Variants in SMARCD3 observed in about 807,000 individuals in gnomAD.
SMARCD3 encodes SWI/SNF related BAF chromatin remodeling complex subunit D3.
Under a neutral mutation model 58.0 loss-of-function variants are expected in SMARCD3, and 14 were observed. That is an observed-to-expected ratio of 0.24 (90% CI 0.16 to 0.38). The LOEUF (loss-of-function observed/expected upper bound fraction) is 0.38, where lower values mean the gene tolerates loss of function less well. SMARCD3 is among the 10% of genes least tolerant of loss of function. The pLI is 1.00. For missense variants in SMARCD3, 408 were observed against 636.9 expected (o/e 0.64, Z 3.87); for synonymous variants, 253 against 253.8 (o/e 1.00, Z 0.03).
At chr7:151,260,902 G>A (rs1464779400) in intron 2 of SMARCD3, among the ~76,000 whole-genome samples, 1 of 152,190 alleles carries the variant, frequency 6.6e-6, no homozygotes, top group Non-Finnish European at 1.5e-5. Context: ...GGCTTGTGAG[G>A]CTTGTTCATG....
intron 10 of SMARCD3, 104 bp downstream of exon 10, chr7:151,240,005 TTAA>T: frequency 8.4e-7 from 1 of 1,193,198 alleles, no homozygotes; most frequent in Non-Finnish European, 1.2e-6. Context: ...TTTTTTTTTT[TTAA>T]TTTAACCCAG....
upstream of SMARCD3, among the ~76,000 whole-genome samples, chr7:151,251,603 C>T (rs1803512661): frequency 6.6e-6 from 1 of 152,150 alleles, no homozygotes; most frequent in Non-Finnish European, 1.5e-5. Flanking sequence ...TGTGCCACGC[C>T]GCCGATGGCT....
intron 2 of SMARCD3, among the ~76,000 whole-genome samples, chr7:151,262,298 T>C (rs1278470004): frequency 6.6e-6 from 1 of 152,070 alleles, no homozygotes; most frequent in Non-Finnish European, 1.5e-5. Flanking sequence ...CTCAGGCTGA[T>C]CACCAACTCC....
chr7:151,249,363 G>C (rs568237194), upstream of SMARCD3: 1 of 152,294 alleles, frequency 6.6e-6, no homozygotes, highest in African/African-American at 2.4e-5. This position sits in a 1 kb window ranked among gnomAD's most constrained non-coding sequence, Gnocchi z 4.8. Context: ...CAGACGCCCT[G>C]TATGTGTGCC....
upstream of SMARCD3, chr7:151,276,969 A>C (rs1419333860): frequency 6.8e-6 from 1 of 147,964 alleles, no homozygotes; most frequent in African/African-American, 2.5e-5. Flanking sequence ...GGATGCCAAC[A>C]GAGGCGAGCA....
intron 2 of SMARCD3, among the ~76,000 whole-genome samples, chr7:151,255,229 C>T (rs1395370619): frequency 1.3e-5 from 2 of 152,174 alleles, no homozygotes; most frequent in Non-Finnish European, 2.9e-5. Context: ...GTTGCCATCT[C>T]TCCCCAGCCC....
Position 151,242,723 on chromosome 7 carries a change from T to G in SMARCD3, c.454A>C (p.Lys152Gln). The change falls in exon 4 of 13, where the codon AAG becomes CAG. Residue 152 changes from lysine (K) to glutamine (Q), a missense_variant and splice_region_variant. This residue lies in a region of SMARCD3 where 128 missense variants were observed against 188.8 expected (regional missense o/e 0.68). Coordinates refer to ENST00000262188, the MANE Select transcript of SMARCD3 (RefSeq NM_001003801.2). The surrounding 1 kb of genome is among the most constrained non-coding windows in gnomAD (Gnocchi z 4.7). ...DIQEALKRPMKQKRKLRLYIS... is the reference protein window; with the variant it reads ...DIQEALKRPMQQKRKLRLYIS... ...TTCCTACCCCCGAACTAAGGCACCT[T>G]CATGGGCCTCTTCAGAGCCTCCTGG... is the stretch of plus-strand genomic sequence containing the variant. The G allele has an allele frequency of 1.2e-6, 2 of 1,614,082 alleles. No homozygotes were observed. Among genetic ancestry groups the G allele is most frequent in the Non-Finnish European group, 1.7e-6 (2 of 1,179,986 alleles).
Position 151,245,604 on chromosome 7 carries a change from G to C in SMARCD3, c.146C>G (p.Pro49Arg). The C allele has an allele frequency of 8.5e-7, 1 of 1,177,898 alleles. No individual in the cohort carries two copies. The highest frequency in any genetic ancestry group is 1.1e-6 in the Non-Finnish European group (1 of 939,446). The allele number at this position is 1,177,898 out of a possible 1,614,324, so 73.0% of individuals were successfully genotyped here. ...QGAPMGPPGS[P>R]YMGSPAVRPG... The stretch of plus-strand genomic sequence containing the variant: ...TCGCACGGCGGGGCTGCCCATGTAC[G>C]GGGAGCCCGGGGGGCCCATGGGCGC... Residue 49 changes from proline to arginine, a missense_variant, in exon 2 of 13, where the codon CCG (proline) becomes CGG (arginine). Pro to Arg is a moderately radical substitution (Grantham distance 103). Coordinates refer to ENST00000262188, the MANE Select transcript of SMARCD3 (RefSeq NM_001003801.2). This position sits in a 1 kb window ranked among gnomAD's most constrained non-coding sequence, Gnocchi z 6.2.
chr7:151,243,359 C>G lies in SMARCD3; in HGVS notation c.333+300G>C, dbSNP rs1157184502. Among the ~76,000 whole-genome samples, 1 of 152,180 alleles carries G rather than the reference C, an allele frequency of 6.6e-6. No homozygotes were observed. The highest frequency in any genetic ancestry group is 1.5e-5 in the Non-Finnish European group (1 of 68,034). The stretch of plus-strand genomic sequence containing the variant: ...AGGATCTCTGGCCACCTTCTATCCC[C>G]TTCATTCTGCCTGGCAGCTTCTGAT... On this transcript the variant is annotated intron_variant, in intron 3 of 12. Coordinates refer to ENST00000262188, the MANE Select transcript of SMARCD3 (RefSeq NM_001003801.2). This position sits in a 1 kb window ranked among gnomAD's most constrained non-coding sequence, Gnocchi z 4.4.
At chr7:151,274,203 C>T (rs1411903258) in intron 2 of SMARCD3, among the ~76,000 whole-genome samples, 1 of 152,208 alleles carries the variant, frequency 6.6e-6, no homozygotes, top group Non-Finnish European at 1.5e-5. Context: ...ACCTTGAGGC[C>T]CTGCCAGTAC....
At chr7:151,249,609 T>G (rs1803443069), upstream of SMARCD3, 1 of 122,080 alleles carries the variant, frequency 8.2e-6, no homozygotes, top group Non-Finnish European at 1.7e-5. This position sits in a 1 kb window ranked among gnomAD's most constrained non-coding sequence, Gnocchi z 4.8. Flanking sequence ...CTCGGGTGGG[T>G]GCGTGGAGAG....
upstream of SMARCD3, among the ~76,000 whole-genome samples, chr7:151,251,824 GGA>G (rs1803523076): frequency 6.6e-6 from 1 of 151,054 alleles, no homozygotes; most frequent in South Asian, 2.1e-4. Context: ...CCCCGCGCAG[GGA>G]GAGATGCGCC....
At chr7:151,249,010 C>CGG (rs1412816651), upstream of SMARCD3, 1 of 151,730 alleles carries the variant, frequency 6.6e-6, no homozygotes, top group Non-Finnish European at 1.5e-5. This position sits in a 1 kb window ranked among gnomAD's most constrained non-coding sequence, Gnocchi z 4.8. Flanking sequence ...GGGGAGGCGG[C>CGG]GGGGGGTCGC....
chr7:151,261,409 G>T (rs929698615), intron 2 of SMARCD3, among the ~76,000 whole-genome samples: 3 of 152,138 alleles, frequency 2.0e-5, no homozygotes, highest in Admixed American at 1.3e-4. Context: ...TTGGTTCTGG[G>T]TTCAAACCCC....
upstream of SMARCD3, chr7:151,276,873 G>GGGAGAAGGGATGCCAGGCAGGGA (rs1209430375): frequency 8.8e-6 from 1 of 113,452 alleles, no homozygotes; most frequent in Non-Finnish European, 1.9e-5. Flanking sequence ...GCCAGGCAGG[G>GGGAGAAGGGATGCCAGGCAGGGA]GGAGAAGGGA....
intron 2 of SMARCD3, among the ~76,000 whole-genome samples, chr7:151,269,341 TACAC>T (rs1795089111): frequency 6.6e-6 from 1 of 152,140 alleles, no homozygotes; most frequent in South Asian, 2.1e-4. Context: ...CCTTCAAGCC[TACAC>T]ACCCTCGAGT....
intron 2 of SMARCD3, among the ~76,000 whole-genome samples, chr7:151,255,419 C>A (rs1035781023): frequency 3.3e-5 from 5 of 152,156 alleles, no homozygotes; most frequent in African/African-American, 1.2e-4. Context: ...TTTCCAGAGC[C>A]CTGGCTCTGC....
chr7:151,266,125 A>G (rs929929411), intron 2 of SMARCD3, among the ~76,000 whole-genome samples: 3 of 152,036 alleles, frequency 2.0e-5, no homozygotes, highest in African/African-American at 7.2e-5. Flanking sequence ...ACGTGCCACC[A>G]GGCCCAGCTA....
chr7:151,252,878 T>G (rs1330109805), upstream of SMARCD3, among the ~76,000 whole-genome samples: 2 of 152,236 alleles, frequency 1.3e-5, no homozygotes, highest in Non-Finnish European at 1.5e-5. Context: ...TCAAGGGGGC[T>G]GTCTCTCTGT....
Sources: allele counts gnomAD v4.1 joint callset (sites outside exome capture counted in the v4.1 genomes callset), GRCh38; gene constraint gnomAD v4.1.1; regional missense constraint gnomAD v4.1.1; non-coding constraint Gnocchi (gnomAD v3.1); transcripts MANE v1.5; gene names NCBI Gene and HGNC (gene_info 2026-07-23, HGNC 2026-07-21).